The following CYB5A variants were observed in gnomAD, a reference collection of about 807,000 sequenced individuals.
CYB5A encodes the protein cytochrome b5.
Under a neutral mutation model 16.2 loss-of-function variants are expected in CYB5A, and 10 were observed. The observed-to-expected ratio is 0.62, with a 90% CI of 0.38 to 1.04. The LOEUF is 1.04. Ranked by LOEUF, CYB5A falls within the 50% of genes least tolerant of loss-of-function variation. The pLI, the probability that CYB5A is intolerant of heterozygous loss-of-function variation, is 0.01. For synonymous variants in CYB5A, 62 were observed against 57.0 expected (o/e 1.09, Z -0.40); for missense variants, 161 against 165.9 (o/e 0.97, Z 0.16).
chr18:74,282,999 T>G (rs1051481730), intron 1 of CYB5A, among the ~76,000 whole-genome samples: 1 of 152,106 alleles, frequency 6.6e-6, no homozygotes, highest in African/African-American at 2.4e-5. Context: ...TGAAAACTCA[T>G]AAAACCACCA....
intron 1 of CYB5A, among the ~76,000 whole-genome samples, chr18:74,280,470 T>C (rs767158028): frequency 2.7e-5 from 4 of 150,758 alleles, no homozygotes; most frequent in Non-Finnish European, 5.9e-5. Flanking sequence ...CCTCGCTACT[T>C]GGGAGGCTGA....
At chr18:74,273,022 T>A (rs1286347555) in intron 1 of CYB5A, among the ~76,000 whole-genome samples, 2 of 152,230 alleles carry the variant, frequency 1.3e-5, no homozygotes, top group East Asian at 1.9e-4. Context: ...TTACACTTCA[T>A]GTAATGTGAG....
intron 2 of CYB5A, among the ~76,000 whole-genome samples, chr18:74,261,888 C>A (rs1321813903): frequency 1.3e-5 from 2 of 152,118 alleles, no homozygotes; most frequent in Admixed American, 6.5e-5. Context: ...GAGCGGGCTC[C>A]TAGCAGGTCT....
At chr18:74,284,229 T>C (rs1983229936) in intron 1 of CYB5A, among the ~76,000 whole-genome samples, 1 of 80,744 alleles carries the variant, frequency 1.2e-5, no homozygotes, top group Admixed American at 1.7e-4. Context: ...TGAAACTCCA[T>C]CTCCAAAAAA....
intron 1 of CYB5A, among the ~76,000 whole-genome samples, chr18:74,272,694 A>AG (rs1255888541): frequency 2.6e-5 from 4 of 152,138 alleles, no homozygotes; most frequent in Non-Finnish European, 4.4e-5. Flanking sequence ...CGAGGTGGGC[A>AG]GATCACCTGA....
At chr18:74,288,082 T>C (rs1354832209) in intron 1 of CYB5A, among the ~76,000 whole-genome samples, 1 of 152,242 alleles carries the variant, frequency 6.6e-6, no homozygotes, top group Non-Finnish European at 1.5e-5. Context: ...AAGCACCTGC[T>C]GCTATGTCGA....
At chr18:74,268,432 C>T (rs1240946937) in intron 1 of CYB5A, among the ~76,000 whole-genome samples, 3 of 152,126 alleles carry the variant, frequency 2.0e-5, no homozygotes, top group Admixed American at 6.5e-5. Context: ...AGGGCCAGGC[C>T]GTGTGCTGCT....
intron 1 of CYB5A, among the ~76,000 whole-genome samples, chr18:74,278,424 T>C (rs930396055): frequency 6.6e-6 from 1 of 152,188 alleles, no homozygotes; most frequent in Non-Finnish European, 1.5e-5. Context: ...TTCTTCCTCA[T>C]CCCCATTTTA....
Position 74,253,595 on chromosome 18 carries a change from C to T in CYB5A, c.394G>A (p.Ala132Thr), listed in dbSNP as rs375968479. ...AVALMYRLYM[A>T]ED The stretch of plus-strand genomic sequence containing the variant: ...TTCTGAGGAGGTGTTCAGTCCTCTG[C>T]CATGTATAGGCGATACATCAAGGCG... The change falls in exon 5 of 5, where the codon GCA becomes ACA. Residue 132 changes from alanine to threonine, a missense_variant. Physicochemically the swap from Ala to Thr is moderately conservative, Grantham distance 58 (BLOSUM62 0). Transcript: ENST00000340533. 6 of 1,611,374 alleles carry T rather than the reference C, an allele frequency of 3.7e-6. No homozygotes were observed. Among genetic ancestry groups the T allele is most frequent in the Non-Finnish European group, 1.7e-6 (2 of 1,177,914 alleles).
chr18:74,263,666 C>A (rs1982308930), intron 1 of CYB5A, among the ~76,000 whole-genome samples, 189 bp from the exon 2 acceptor site: 1 of 152,148 alleles, frequency 6.6e-6, no homozygotes, highest in African/African-American at 2.4e-5. Flanking sequence ...CATGCAAGTA[C>A]AATAGGCCTA....
chr18:74,272,388 T>C (rs1982702334), intron 1 of CYB5A, among the ~76,000 whole-genome samples: 2 of 152,196 alleles, frequency 1.3e-5, no homozygotes, highest in African/African-American at 4.8e-5. Flanking sequence ...TCAGGTGTGC[T>C]CTCGTCATTG....
chr18:74,266,449 G>A (rs1418436656), intron 1 of CYB5A, among the ~76,000 whole-genome samples: 2 of 152,180 alleles, frequency 1.3e-5, no homozygotes, highest in Non-Finnish European at 2.9e-5. Context: ...AGGGACAGCC[G>A]ATGTTCAAAG....
chr18:74,262,009 C>T (rs779309992), intron 2 of CYB5A, among the ~76,000 whole-genome samples: 4 of 152,182 alleles, frequency 2.6e-5, no homozygotes, highest in Non-Finnish European at 5.9e-5. Context: ...CCAGGATCCA[C>T]TCCAGAAGCT....
At chr18:74,254,608 C>T (rs1339225791) in intron 4 of CYB5A, among the ~76,000 whole-genome samples, 1 of 151,812 alleles carries the variant, frequency 6.6e-6, no homozygotes, top group African/African-American at 2.4e-5. Flanking sequence ...CAAGCTCCGC[C>T]TCCTGGGTTC....
chr18:74,278,321 A>C (rs1225206138), intron 1 of CYB5A, among the ~76,000 whole-genome samples: 1 of 152,206 alleles, frequency 6.6e-6, no homozygotes, highest in Non-Finnish European at 1.5e-5. Context: ...GGCACAGTCT[A>C]TCTGGCAGCT....
chr18:74,282,498 C>G (rs1344801321), intron 1 of CYB5A, among the ~76,000 whole-genome samples: 1 of 152,110 alleles, frequency 6.6e-6, no homozygotes, highest in Non-Finnish European at 1.5e-5. Flanking sequence ...AGAGTGACTT[C>G]CTGGCACCGG....
intron 1 of CYB5A, among the ~76,000 whole-genome samples, chr18:74,269,004 G>C (rs1339544764): frequency 6.6e-6 from 1 of 152,142 alleles, no homozygotes; most frequent in South Asian, 2.1e-4. Flanking sequence ...AATGGCTTTT[G>C]CTTTTTGCAT....
In CYB5A at chr18:74,263,495, A is replaced by G; in HGVS notation, c.130-18T>C. ...CCAGGATGCTGTTCAAAGGAGAGGT[A>G]GAATAAAAATTTTTTTTTCAGGCAA... On this transcript the variant is annotated intron_variant, in intron 1 of 4. Coordinates refer to ENST00000340533, the MANE Select transcript of CYB5A (RefSeq NM_148923.4). 6.2e-7 allele frequency: 1 copy of G among 1,613,986 alleles called. No homozygotes were observed. Among genetic ancestry groups the G allele is most frequent in the Non-Finnish European group, 8.5e-7 (1 of 1,179,844 alleles).
chr18:74,281,080 T>C (rs976963927), intron 1 of CYB5A, among the ~76,000 whole-genome samples: 1 of 151,810 alleles, frequency 6.6e-6, no homozygotes, highest in Admixed American at 6.6e-5. Context: ...GATTCTGACA[T>C]TATGAAAGTT....
Sources: gnomAD v4.1 joint callset for allele counts (sites outside exome capture counted in the v4.1 genomes callset) on GRCh38, gnomAD v4.1.1 for gene constraint, MANE v1.5 for transcripts, NCBI Gene and HGNC (gene_info 2026-07-23, HGNC 2026-07-21) for gene names.